The following ITGA9 variants were observed in gnomAD, a reference collection of about 807,000 sequenced individuals.
ITGA9 encodes integrin alpha-9.
Under a neutral mutation model 127.8 loss-of-function variants are expected in ITGA9, and 56 were observed. That is an observed-to-expected ratio of 0.44 (90% CI 0.35 to 0.55). The LOEUF is 0.55. Among genes scored for constraint, ITGA9 ranks in the 20% least tolerant of loss-of-function variants. The probability of loss-of-function intolerance (pLI) is 0.00; values close to 1 mark genes in which losing one functional copy is unlikely to be tolerated. For missense variants in ITGA9, 1,196 were observed against 1,347.1 expected, an observed-to-expected ratio of 0.89 and a Z score of 1.76; for synonymous variants, 508 against 514.5, an observed-to-expected ratio of 0.99 and a Z score of 0.17.
intron 16 of ITGA9, 49 bp from the exon 17 acceptor site, chr3:37,653,665 G>A (rs138494038): frequency 3.0e-5 from 40 of 1,341,018 alleles, no homozygotes; most frequent in Middle Eastern, 3.8e-4. Context: ...CTGTGTACTC[G>A]TTTGCCACTC....
intron 4 of ITGA9, among the ~76,000 whole-genome samples, chr3:37,485,303 T>G (rs1398634729): frequency 6.6e-6 from 1 of 152,024 alleles, no homozygotes; most frequent in Non-Finnish European, 1.5e-5. Flanking sequence ...AGACTGGTCA[T>G]GGTGGTGGGA....
intron 20 of ITGA9, among the ~76,000 whole-genome samples, chr3:37,740,511 C>G (rs1319821775): frequency 5.9e-5 from 9 of 152,202 alleles, no homozygotes; most frequent in Non-Finnish European, 1.2e-4. Flanking sequence ...TTCTCGCTCC[C>G]AAATCTGGCA....
intron 18 of ITGA9, among the ~76,000 whole-genome samples, chr3:37,695,859 C>T (rs1254689030): frequency 6.6e-6 from 1 of 152,212 alleles, no homozygotes; most frequent in Non-Finnish European, 1.5e-5. Context: ...AAGAAATGGG[C>T]ATTTCAGGGC....
At chr3:37,675,764 AG>A (rs1398553988) in intron 17 of ITGA9, among the ~76,000 whole-genome samples, 3 of 74,598 alleles carry the variant, frequency 4.0e-5, no homozygotes, top group Admixed American at 1.5e-4. Flanking sequence ...TTTTTTTTTG[AG>A]ATGGAATCTT....
chr3:37,586,156 A>G (rs542881150), intron 15 of ITGA9, among the ~76,000 whole-genome samples: 8 of 152,356 alleles, frequency 5.3e-5, no homozygotes, highest in Admixed American at 2.0e-4. Flanking sequence ...GTATTTTACC[A>G]GAATTGAATG....
chr3:37,781,749 C>A (rs1460143802), intron 25 of ITGA9, among the ~76,000 whole-genome samples: 1 of 152,200 alleles, frequency 6.6e-6, no homozygotes, highest in Non-Finnish European at 1.5e-5. Flanking sequence ...AACCTATCCA[C>A]GTGTGAATGA....
chr3:37,685,240 A>G (rs1022759896), intron 18 of ITGA9, among the ~76,000 whole-genome samples: 2 of 152,174 alleles, frequency 1.3e-5, no homozygotes, highest in African/African-American at 4.8e-5. Context: ...GGTTTGTGCC[A>G]AGCCTGCCCA....
chr3:37,467,553 G>T (rs1025051738), intron 1 of ITGA9, among the ~76,000 whole-genome samples: 2 of 152,156 alleles, frequency 1.3e-5, no homozygotes, highest in Admixed American at 6.5e-5. Context: ...AATTTCCAGG[G>T]TTCCAATGCC....
intron 12 of ITGA9, among the ~76,000 whole-genome samples, chr3:37,525,747 G>C (rs777680619): frequency 1.3e-5 from 2 of 152,152 alleles, no homozygotes; most frequent in African/African-American, 2.4e-5. Flanking sequence ...ATGGTTTTCT[G>C]TACTAGGTCT....
chr3:37,540,134 C>G (rs1699250934), intron 14 of ITGA9, among the ~76,000 whole-genome samples: 1 of 152,218 alleles, frequency 6.6e-6, no homozygotes, highest in Non-Finnish European at 1.5e-5. Flanking sequence ...TTTCTCTGAG[C>G]TCAGCTAGTT....
At chr3:37,818,074 A>G (rs1471098363) in intron 27 of ITGA9, among the ~76,000 whole-genome samples, 2 of 151,744 alleles carry the variant, frequency 1.3e-5, no homozygotes, top group Non-Finnish European at 1.5e-5. Flanking sequence ...AGATCTCTCA[A>G]GATACTAGGT....
intron 18 of ITGA9, among the ~76,000 whole-genome samples, chr3:37,690,731 T>TA (rs1700823584): frequency 6.6e-6 from 1 of 152,154 alleles, no homozygotes; most frequent in African/African-American, 2.4e-5. Context: ...GCCCGACTCT[T>TA]ACACACAGTG....
intron 17 of ITGA9, among the ~76,000 whole-genome samples, chr3:37,654,984 T>C (rs888921652): frequency 6.6e-6 from 1 of 152,168 alleles, no homozygotes; most frequent in African/African-American, 2.4e-5. Flanking sequence ...AGAATAATGG[T>C]TTACACCTTC....
intron 13 of ITGA9, among the ~76,000 whole-genome samples, chr3:37,528,465 C>T (rs925296486): frequency 3.3e-5 from 5 of 152,032 alleles, no homozygotes; most frequent in South Asian, 2.1e-4. Context: ...CATGGAAGGC[C>T]CAAGAAGAGT....
At position 37,624,200 on chromosome 3, in the gene ITGA9, C is replaced by CTT. The variant is rs58307041; in HGVS notation, c.1690-4965_1690-4964dup. On this transcript the variant is annotated intron_variant, in intron 15 of 27. Transcript: ENST00000264741. ...GGTTAGCTAAGGAAGAAAAAAAACC[C>CTT]TTTTTTTTTTTTTTTTTTTTTTTAA... Among the ~76,000 whole-genome samples, 113 of 85,746 alleles carry CTT rather than the reference C, an allele frequency of 1.3e-3. 2 individuals carry two copies. Among genetic ancestry groups the CTT allele is most frequent in the Non-Finnish European group, 1.9e-3 (88 of 47,438 alleles). 56.3% of individuals were successfully genotyped at this position (85,746 alleles called of 152,430 possible).
intron 4 of ITGA9, among the ~76,000 whole-genome samples, chr3:37,483,110 A>G: frequency 6.6e-6 from 1 of 152,150 alleles, no homozygotes; most frequent in East Asian, 1.9e-4. Flanking sequence ...CAGCAGGGTG[A>G]TGGAGGCAGT....
intron 3 of ITGA9, among the ~76,000 whole-genome samples, chr3:37,476,108 G>A (rs1698490811): frequency 1.3e-5 from 2 of 152,170 alleles, no homozygotes; most frequent in African/African-American, 4.8e-5. Flanking sequence ...GGACATTTAG[G>A]TTGGTTCTAT....
At chr3:37,522,782 A>T (rs531545428) in intron 11 of ITGA9, among the ~76,000 whole-genome samples, 83 of 152,046 alleles carry the variant, frequency 5.5e-4, no homozygotes, top group Admixed American at 1.2e-3. Context: ...GTAAGCATAG[A>T]TGCTAGTGTG....
chr3:37,629,496 T>C lies in ITGA9; in HGVS notation c.1839+160T>C. The stretch of plus-strand genomic sequence containing the variant: ...CTCCCTTTTCTGATCTGCAAAATGA[T>C]AAAATAAACAGTCTTAGGGGTTACT... On this transcript the variant is annotated intron_variant, in intron 16 of 27. Transcript: ENST00000264741. The surrounding 1 kb of genome is among the most constrained non-coding windows in gnomAD (Gnocchi z 4.5). 1 of 494,538 alleles carries C rather than the reference T, an allele frequency of 2.0e-6. No individual in the cohort carries two copies. Among genetic ancestry groups the C allele is most frequent in the East Asian group, 4.4e-5 (1 of 22,852 alleles). 30.6% of individuals were successfully genotyped at this position (494,538 alleles called of 1,614,324 possible).
Sources: allele counts gnomAD v4.1 joint callset (sites outside exome capture counted in the v4.1 genomes callset), GRCh38; gene constraint gnomAD v4.1.1; non-coding constraint Gnocchi (gnomAD v3.1); transcripts MANE v1.5; gene names NCBI Gene and HGNC (gene_info 2026-07-23, HGNC 2026-07-21).